The following GRAMD1B variants were observed in gnomAD, a reference collection of about 807,000 sequenced individuals.
The protein encoded by GRAMD1B is protein Aster-B.
Under a neutral mutation model 99.7 loss-of-function variants are expected in GRAMD1B, and 37 were observed. That is an observed-to-expected ratio of 0.37 (90% CI 0.29 to 0.49). GRAMD1B has a LOEUF of 0.49. Among genes scored for constraint, GRAMD1B ranks in the 20% least tolerant of loss-of-function variants. The pLI, the probability that GRAMD1B is intolerant of heterozygous loss-of-function variation, is 0.98. For missense variants in GRAMD1B, 888 were observed against 1,009.2 expected (o/e 0.88, Z 1.63); for synonymous variants, 427 against 387.6 (o/e 1.10, Z -1.19).
chr11:123,516,924 A>G (rs1479569704), intron 2 of GRAMD1B, among the ~76,000 whole-genome samples: 1 of 152,092 alleles, frequency 6.6e-6, no homozygotes, highest in Admixed American at 6.6e-5. Flanking sequence ...CTCCATAAGT[A>G]TGGTTCTGTT....
intron 1 of GRAMD1B, among the ~76,000 whole-genome samples, chr11:123,419,503 T>C (rs1948346708): frequency 6.6e-6 from 1 of 152,138 alleles, no homozygotes; most frequent in Admixed American, 6.5e-5. Context: ...TGGTGGCACA[T>C]GTCTCTAGTC....
intron 7 of GRAMD1B, chr11:123,598,835 C>T (rs375927856): frequency 6.8e-6 from 9 of 1,317,604 alleles, no homozygotes; most frequent in East Asian, 2.3e-5. Context: ...AAAGTTCATT[C>T]TGATCTTGGA....
upstream of GRAMD1B, among the ~76,000 whole-genome samples, chr11:123,428,905 G>T (rs988749393): frequency 3.9e-5 from 6 of 152,134 alleles, no homozygotes; most frequent in African/African-American, 1.2e-4. Context: ...GAAAGTTACT[G>T]ACCAGGCTGG....
At chr11:123,423,101 T>C (rs1948511947) in intron 1 of GRAMD1B, among the ~76,000 whole-genome samples, 1 of 152,166 alleles carries the variant, frequency 6.6e-6, no homozygotes, top group African/African-American at 2.4e-5. Context: ...GATTAAATAC[T>C]TTTTGATTGA....
At chr11:123,592,218 A>T (rs1198454387) in intron 4 of GRAMD1B, among the ~76,000 whole-genome samples, 1 of 152,158 alleles carries the variant, frequency 6.6e-6, no homozygotes, top group East Asian at 1.9e-4. Flanking sequence ...AGGGGCCGCA[A>T]AGCAGGTAAA....
chr11:123,521,280 A>T (rs990269545), intron 2 of GRAMD1B, among the ~76,000 whole-genome samples: 13 of 152,208 alleles, frequency 8.5e-5, no homozygotes, highest in Non-Finnish European at 1.5e-4. Context: ...GTTCCAATTT[A>T]TATTTTCCTG....
chr11:123,528,491 G>T (rs1380824373), intron 2 of GRAMD1B, among the ~76,000 whole-genome samples: 2 of 152,124 alleles, frequency 1.3e-5, no homozygotes, highest in African/African-American at 2.4e-5. Context: ...ACAGTGTTAT[G>T]ATAAGAATCC....
rs778697361 is a variant in GRAMD1B, at chr11:123,614,831, T to A, written c.2314T>A (p.Cys772Ser). ...SVSKLLLVIS[C>S]VLVLLVILNM... ...GTCCAAGCTGCTGCTGGTTATCAGCTGTGTGTAAGGGATTCTAGGTTTTCC... is the reference window on the plus strand; with the variant it reads ...GTCCAAGCTGCTGCTGGTTATCAGCAGTGTGTAAGGGATTCTAGGTTTTCC... The change falls in exon 17 of 20, where the codon TGT (cysteine) becomes AGT (serine). Residue 772 changes from cysteine (C) to serine (S), a missense_variant. This residue lies in a region of GRAMD1B where 232 missense variants were observed against 261.7 expected (regional missense o/e 0.89). Coordinates refer to ENST00000635736, the MANE Select transcript of GRAMD1B (RefSeq NM_001387025.1). 1.3e-6 allele frequency: 2 copies of A among 1,598,424 alleles called. No homozygotes were observed. The highest frequency in any genetic ancestry group is 1.7e-6 in the Non-Finnish European group (2 of 1,166,368).
At chr11:123,561,193 C>T (rs1946726605) in intron 2 of GRAMD1B, among the ~76,000 whole-genome samples, 1 of 152,176 alleles carries the variant, frequency 6.6e-6, no homozygotes, top group Non-Finnish European at 1.5e-5. Flanking sequence ...TGGCACAATG[C>T]ATCATGGAGA....
chr11:123,504,757 C>T (rs1158471253), intron 2 of GRAMD1B, among the ~76,000 whole-genome samples: 1 of 152,210 alleles, frequency 6.6e-6, no homozygotes, highest in East Asian at 1.9e-4. Flanking sequence ...TCCCGGCTCA[C>T]TGCAACCTCC....
At chr11:123,501,365 C>T (rs1289364952) in intron 2 of GRAMD1B, among the ~76,000 whole-genome samples, 1 of 151,312 alleles carries the variant, frequency 6.6e-6, no homozygotes, top group Non-Finnish European at 1.5e-5. Flanking sequence ...GAGATGCGGT[C>T]TCATCATGTT....
At chr11:123,514,441 G>A (rs747295923) in intron 2 of GRAMD1B, among the ~76,000 whole-genome samples, 7 of 152,178 alleles carry the variant, frequency 4.6e-5, no homozygotes, top group Non-Finnish European at 8.8e-5. Context: ...CCATCAATAC[G>A]CTGGGATTGT....
chr11:123,561,102 G>GGT (rs1190459013), intron 2 of GRAMD1B, among the ~76,000 whole-genome samples: 1 of 152,170 alleles, frequency 6.6e-6, no homozygotes, highest in East Asian at 1.9e-4. Context: ...CTGGGTTGAG[G>GGT]GTGATGATGG....
At chr11:123,552,087 A>G (rs1460109093) in intron 2 of GRAMD1B, among the ~76,000 whole-genome samples, 1 of 151,822 alleles carries the variant, frequency 6.6e-6, no homozygotes, top group Non-Finnish European at 1.5e-5. Flanking sequence ...CTGATCACAC[A>G]TGGGGCCCTG....
chr11:123,512,195 T>C (rs549511653), intron 2 of GRAMD1B, among the ~76,000 whole-genome samples: 1 of 152,336 alleles, frequency 6.6e-6, no homozygotes, highest in African/African-American at 2.4e-5. Context: ...GCAACTGTGT[T>C]TGGATCCCAA....
chr11:123,365,613 T>G (rs950993206), intron 1 of GRAMD1B, among the ~76,000 whole-genome samples: 3 of 152,258 alleles, frequency 2.0e-5, no homozygotes, highest in Non-Finnish European at 1.5e-5. Context: ...TCATTAGTTC[T>G]GCACCTCTGC....
At chr11:123,489,790 A>G (rs1293035918) in intron 2 of GRAMD1B, among the ~76,000 whole-genome samples, 1 of 152,208 alleles carries the variant, frequency 6.6e-6, no homozygotes, top group African/African-American at 2.4e-5. Context: ...GCACTTTTTT[A>G]TAATCTCTGA....
chr11:123,617,898 C>T (rs1431337687), intron 17 of GRAMD1B, among the ~76,000 whole-genome samples: 1 of 152,098 alleles, frequency 6.6e-6, no homozygotes, highest in Non-Finnish European at 1.5e-5. Flanking sequence ...ATCCTTGCCT[C>T]CCCTGTCTCT....
intron 3 of GRAMD1B, 59 bp downstream of exon 3, chr11:123,577,636 G>A: frequency 6.9e-6 from 9 of 1,300,670 alleles, no homozygotes; most frequent in Non-Finnish European, 9.8e-6. Context: ...GAGCGATATT[G>A]GGGTGGTGAG....
Sources: allele counts gnomAD v4.1 joint callset (sites outside exome capture counted in the v4.1 genomes callset), GRCh38; gene constraint gnomAD v4.1.1; regional missense constraint gnomAD v4.1.1; transcripts MANE v1.5; gene names NCBI Gene and HGNC (gene_info 2026-07-23, HGNC 2026-07-21).